The following SERPINA3 variants were observed in gnomAD, a reference collection of about 807,000 sequenced individuals.
SERPINA3 encodes the protein alpha-1-antichymotrypsin.
In SERPINA3, 32 loss-of-function variants were observed where a neutral mutation model predicts 26.8. The ratio of observed to expected loss-of-function variants is 1.20; its 90% CI spans 0.90 to 1.61. SERPINA3 has a LOEUF of 1.61. Among genes scored for constraint, SERPINA3 ranks in the 40% most tolerant of loss-of-function variants. SERPINA3 has a pLI of 0.00. For synonymous variants in SERPINA3, 252 were observed against 206.4 expected (o/e 1.22, Z -1.89); for missense variants, 632 against 517.9 (o/e 1.22, Z -2.14).
intron 2 of SERPINA3, 122 bp from the exon 3 acceptor site, chr14:94,619,073 C>G (rs1386622927): frequency 2.6e-6 from 3 of 1,145,006 alleles, no homozygotes; most frequent in African/African-American, 3.0e-5. Context: ...CAAGCTACTT[C>G]TCTAAACCAA....
At position 94,622,356 on chromosome 14, in the gene SERPINA3, C is replaced by T; in HGVS notation, c.933C>T (p.Leu311=). The change falls in exon 4 of 5, where the codon CTC becomes CTT. Residue 311 remains leucine (L), a synonymous_variant. Transcript: ENST00000393078. ...DSLEFREIGE[L]YLPKFSISRD... is the part of the protein sequence containing the mutation. ...CGTTTTCTAGAGAGATAGGTGAGCT[C>T]TACCTGCCAAAGTTTTCCATCTCGA... is the stretch of plus-strand genomic sequence containing the variant. 1 of 1,614,012 alleles carries T rather than the reference C, an allele frequency of 6.2e-7. No individual in the cohort carries two copies. Among genetic ancestry groups the T allele is most frequent in the Non-Finnish European group, 8.5e-7 (1 of 1,180,024 alleles).
chr14:94,622,388 AT>A lies in SERPINA3; in HGVS notation c.966del (p.Tyr322Ter), dbSNP rs771543687. 4.2e-5 allele frequency: 68 copies of A among 1,614,070 alleles called. No individual in the cohort carries two copies. In the Middle Eastern group the frequency reaches 4.9e-4, roughly 12 times the overall value. On this transcript the variant is annotated frameshift_variant, in exon 4 of 5. Transcript: ENST00000393078. LOFTEE classifies it high-confidence loss of function. ...YLPKFSISRD[Y>X]NLNDILLQLG... ...CCAAAGTTTTCCATCTCGAGGGACT[AT>A]AACCTGAACGACATACTTCTCCAGC... is the stretch of plus-strand genomic sequence containing the variant.
intron 2 of SERPINA3, chr14:94,618,384 T>C (rs1408772043): frequency 1.3e-5 from 2 of 152,228 alleles, no homozygotes; most frequent in African/African-American, 2.4e-5. Flanking sequence ...CATGGAATTT[T>C]ACCTTTGCAA....
intron 1 of SERPINA3, chr14:94,613,671 G>A (rs1202927471): frequency 2.0e-5 from 3 of 152,268 alleles, no homozygotes; most frequent in Non-Finnish European, 4.4e-5. Flanking sequence ...AGACTCCAAA[G>A]CCCTCTCTGC....
rs376412422 is a variant in SERPINA3 at position 94,623,242 on chromosome 14, C to T, written c.1069-369C>T. ...GCAGCTGCTTGTGGTCAAGAGCTGC[C>T]GGGATGTTGCTTAGAAGAAAAATGC... is the stretch of plus-strand genomic sequence containing the variant. On this transcript the variant is annotated intron_variant, in intron 4 of 4. Coordinates refer to ENST00000393078, the MANE Select transcript of SERPINA3 (RefSeq NM_001085.5). 1.3e-4 allele frequency among the ~76,000 whole-genome samples: 20 copies of T among 152,164 alleles called. 1 individual carries two copies. Among genetic ancestry groups the T allele is most frequent in the East Asian group, 9.6e-4 (5 of 5,196 alleles).
chr14:94,614,160 G>A (rs1196509416), intron 1 of SERPINA3: 15 of 477,054 alleles, frequency 3.1e-5, no homozygotes, highest in Non-Finnish European at 5.4e-5. Flanking sequence ...TCCTTTACCT[G>A]TTTGCTGTAT....
intron 3 of SERPINA3, among the ~76,000 whole-genome samples, chr14:94,621,050 C>A (rs1886184403): frequency 2.0e-5 from 3 of 152,238 alleles, no homozygotes; most frequent in Admixed American, 2.0e-4. Context: ...CCATAATAAA[C>A]CACTAAGGGC....
rs1885819088 is a variant in SERPINA3, at chr14:94,612,518, T to G, written c.-9+71T>G. On this transcript the variant is annotated intron_variant, in intron 1 of 4. Transcript: ENST00000393078. ...TCCAGGAGAGTTTTAGGCAGCAGCCTGGAGTGTGTGGAGTGTGAGGGGTAA... is the reference window on the plus strand; with the variant it reads ...TCCAGGAGAGTTTTAGGCAGCAGCCGGGAGTGTGTGGAGTGTGAGGGGTAA... 3.4e-6 allele frequency: 3 copies of G among 872,288 alleles called. No individual in the cohort carries two copies. The South Asian group carries it at 4.1e-5, about 12-fold the overall frequency. The allele number at this position is 872,288 out of a possible 1,614,324, so 54.0% of individuals were successfully genotyped here. A position where few individuals can be genotyped will look rare whatever the true frequency, so the allele number is the denominator to read the frequency against.
In SERPINA3 at chr14:94,619,200, T is replaced by C. The variant is rs1886103329; in HGVS notation, c.649T>C (p.Trp217Arg). The change falls in exon 3 of 5, where the codon TGG (tryptophan) becomes CGG (arginine). Residue 217 changes from tryptophan (W) to arginine (R), a missense_variant. Coordinates refer to ENST00000393078, the MANE Select transcript of SERPINA3 (RefSeq NM_001085.5). Reference sequence around the variant, plus strand: ...ACTGCTTGCTCCACCTTCAGCCAAATGGGAGATGCCCTTTGACCCCCAAGA... The same window carrying C: ...ACTGCTTGCTCCACCTTCAGCCAAACGGGAGATGCCCTTTGACCCCCAAGA... ...LVNYIFFKAK[W>R]EMPFDPQDTH... 6.2e-7 allele frequency: 1 copy of C among 1,613,704 alleles called. No homozygotes were observed. Among genetic ancestry groups the C allele is most frequent in the South Asian group, 1.1e-5 (1 of 91,076 alleles).
rs116880457 is a variant in SERPINA3, at chr14:94,614,811, C to A, written c.370C>A (p.Arg124Ser). Residue 124 changes from arginine to serine, a missense_variant, in exon 2 of 5, where the codon CGC becomes AGC. Transcript: ENST00000393078. ...TCACCAGAGCTTCCAGCACCTCCTGCGCACCCTCAATCAGTCCAGCGATGA... is the reference window on the plus strand; with the variant it reads ...TCACCAGAGCTTCCAGCACCTCCTGAGCACCCTCAATCAGTCCAGCGATGA... ...EIHQSFQHLL[R>S]TLNQSSDELQ... 1.8e-5 allele frequency: 29 copies of A among 1,614,070 alleles called. No individual in the cohort carries two copies. The highest frequency in any genetic ancestry group is 2.4e-5 in the Non-Finnish European group (28 of 1,180,040).
intron 3 of SERPINA3, among the ~76,000 whole-genome samples, chr14:94,621,498 G>A (rs1035789660): frequency 2.6e-5 from 4 of 152,154 alleles, no homozygotes; most frequent in Non-Finnish European, 5.9e-5. Flanking sequence ...ACAGCCTCCT[G>A]TATAATTGTA....
intron 4 of SERPINA3, among the ~76,000 whole-genome samples, chr14:94,623,372 T>C (rs17826506): frequency 0.099 from 15,011 of 152,246 alleles, 839 homozygotes; most frequent in Middle Eastern, 0.15. Flanking sequence ...CTCCATTCTT[T>C]ACCTCGATGG....
chr14:94,619,266 G>A lies in SERPINA3; in HGVS notation c.715G>A (p.Val239Ile). The change falls in exon 3 of 5, where the codon GTA (valine) becomes ATA (isoleucine). Residue 239 changes from valine to isoleucine, a missense_variant. Coordinates refer to ENST00000393078, the MANE Select transcript of SERPINA3 (RefSeq NM_001085.5). ...GTTCTACTTGAGCAAGAAAAAGTGG[G>A]TAATGGTGCCCATGATGAGTTTGCA... The part of the protein sequence containing the change: ...SRFYLSKKKW[V>I]MVPMMSLHHL... 2.5e-6 allele frequency: 4 copies of A among 1,614,116 alleles called. No individual in the cohort carries two copies. The highest frequency in any genetic ancestry group is 2.2e-5 in the East Asian group (1 of 44,878).
At chr14:94,618,142 T>C (rs975913268) in intron 2 of SERPINA3, 7 of 152,204 alleles carry the variant, frequency 4.6e-5, no homozygotes, top group African/African-American at 1.7e-4. Context: ...TTTACTCCAT[T>C]CTTCCCTTGC....
At chr14:94,622,674 G>A (rs549612438) in intron 4 of SERPINA3, 183 bp downstream of exon 4, 202 of 685,230 alleles carry the variant, frequency 2.9e-4, no homozygotes, top group Middle Eastern at 3.9e-4. Flanking sequence ...TCCTCCTGCC[G>A]TGTTAGGGGT....
chr14:94,616,778 T>A (rs115677647), intron 2 of SERPINA3, among the ~76,000 whole-genome samples: 7 of 152,074 alleles, frequency 4.6e-5, no homozygotes, highest in African/African-American at 1.7e-4. Context: ...AGAGAGAAAG[T>A]TGAGTCAAGC....
chr14:94,622,455 A>G lies in SERPINA3; in HGVS notation c.1032A>G (p.Ser344=), dbSNP rs146596087. 48 of 1,614,184 alleles carry G rather than the reference A, an allele frequency of 3.0e-5. No individual in the cohort carries two copies. The East Asian group carries it at 9.1e-4, about 31-fold the overall frequency. Residue 344 remains serine, a synonymous_variant, in exon 4 of 5, where the codon TCA becomes TCG. Transcript: ENST00000393078. ...EEAFTSKADL[S]GITGARNLAV... is the part of the protein sequence containing the mutation. ...CCTTCACCAGCAAGGCTGACCTGTCAGGGATCACAGGGGCCAGGAACCTAG... is the reference window on the plus strand; with the variant it reads ...CCTTCACCAGCAAGGCTGACCTGTCGGGGATCACAGGGGCCAGGAACCTAG...
chr14:94,616,718 C>T (rs1036112143), intron 2 of SERPINA3, among the ~76,000 whole-genome samples: 9 of 152,090 alleles, frequency 5.9e-5, no homozygotes, highest in African/African-American at 1.7e-4. Context: ...AAACGGTTTT[C>T]GTCTTTTCTC....
chr14:94,622,659 C>G, intron 4 of SERPINA3, 168 bp downstream of exon 4: 8 of 730,124 alleles, frequency 1.1e-5, no homozygotes, highest in Non-Finnish European at 1.9e-5. Context: ...AGGTTACAGC[C>G]CAGCTCCTCC....
Sources: allele counts gnomAD v4.1 joint callset (sites outside exome capture counted in the v4.1 genomes callset), GRCh38; gene constraint gnomAD v4.1.1; transcripts MANE v1.5; gene names NCBI Gene and HGNC (gene_info 2026-07-23, HGNC 2026-07-21).